GABRG3: variants seen among roughly 807,000 people sequenced by gnomAD.
GABRG3 encodes the protein gamma-aminobutyric acid receptor subunit gamma-3.
In GABRG3, 25 loss-of-function variants were observed where a neutral mutation model predicts 48.8. The ratio of observed to expected loss-of-function variants is 0.51; its 90% CI spans 0.37 to 0.72. The LOEUF (loss-of-function observed/expected upper bound fraction) is 0.72. Among genes scored for constraint, GABRG3 ranks in the 30% least tolerant of loss-of-function variants. The probability of loss-of-function intolerance (pLI) is 0.00; values close to 1 mark genes in which losing one functional copy is unlikely to be tolerated. For missense variants in GABRG3, 394 were observed against 577.9 expected (o/e 0.68, Z 3.26); for synonymous variants, 227 against 217.6 (o/e 1.04, Z -0.38).
chr15:27,237,808 G>A (rs1423054659), intron 3 of GABRG3, among the ~76,000 whole-genome samples: 1 of 152,194 alleles, frequency 6.6e-6, no homozygotes, highest in Admixed American at 6.5e-5. Flanking sequence ...ATTGGGACTT[G>A]GGATGCCACG....
chr15:26,997,441 T>C (rs1270801574), intron 2 of GABRG3, among the ~76,000 whole-genome samples: 2 of 152,170 alleles, frequency 1.3e-5, no homozygotes, highest in African/African-American at 4.8e-5. Flanking sequence ...TTTGAAAAAA[T>C]ATATAACAAC....
chr15:27,246,444 AATAG>A (rs1455871297), intron 3 of GABRG3, among the ~76,000 whole-genome samples: 1 of 152,186 alleles, frequency 6.6e-6, no homozygotes, highest in Non-Finnish European at 1.5e-5. Flanking sequence ...TGCAAAGATA[AATAG>A]ATAGGTCTAG....
At chr15:27,382,824 C>T (rs1469040323) in intron 5 of GABRG3, among the ~76,000 whole-genome samples, 1 of 151,750 alleles carries the variant, frequency 6.6e-6, no homozygotes. Context: ...ATGAGGACCA[C>T]CGTGGGAGGA....
chr15:27,514,010 T>A (rs562464854), intron 6 of GABRG3, among the ~76,000 whole-genome samples: 1 of 152,350 alleles, frequency 6.6e-6, no homozygotes, highest in African/African-American at 2.4e-5. Flanking sequence ...TTAACTGCTG[T>A]ACTTTCAGGC....
At chr15:27,247,000 T>C (rs1162522303) in intron 3 of GABRG3, among the ~76,000 whole-genome samples, 1 of 152,186 alleles carries the variant, frequency 6.6e-6, no homozygotes, top group East Asian at 1.9e-4. Flanking sequence ...GTTCCTCTCT[T>C]TCACCCAGGC....
At chr15:27,450,197 C>T (rs529596053) in intron 5 of GABRG3, among the ~76,000 whole-genome samples, 1 of 152,294 alleles carries the variant, frequency 6.6e-6, no homozygotes, top group South Asian at 2.1e-4. Context: ...GCAACTTCCT[C>T]TCCTGCCGTC....
intron 3 of GABRG3, among the ~76,000 whole-genome samples, chr15:27,313,402 C>T (rs1301270276): frequency 6.8e-6 from 1 of 147,648 alleles, no homozygotes; most frequent in East Asian, 2.0e-4. Context: ...GAGACTTCAG[C>T]ACCCCACTTT....
At chr15:27,504,995 A>G (rs1890728921) in intron 6 of GABRG3, among the ~76,000 whole-genome samples, 1 of 152,168 alleles carries the variant, frequency 6.6e-6, no homozygotes, top group Non-Finnish European at 1.5e-5. Context: ...CATAGCCACA[A>G]TACTCTTAGC....
intron 5 of GABRG3, among the ~76,000 whole-genome samples, chr15:27,360,992 A>C (rs767151268): frequency 1.2e-4 from 19 of 152,164 alleles, no homozygotes; most frequent in Non-Finnish European, 2.6e-4. Context: ...TAGTTTCCCC[A>C]ACTGAGAAAG....
intron 3 of GABRG3, among the ~76,000 whole-genome samples, chr15:27,074,847 A>T (rs922480478): frequency 6.6e-6 from 1 of 152,162 alleles, no homozygotes; most frequent in African/African-American, 2.4e-5. Flanking sequence ...AGTGAAGCTG[A>T]AAAGAAATGT....
chr15:27,077,095 C>T (rs1896922814), intron 3 of GABRG3, among the ~76,000 whole-genome samples: 1 of 152,178 alleles, frequency 6.6e-6, no homozygotes, highest in Non-Finnish European at 1.5e-5. Flanking sequence ...ACCTATCTGT[C>T]TTCCTCTGCA....
chr15:27,345,462 G>A (rs1181905894), intron 5 of GABRG3, among the ~76,000 whole-genome samples: 1 of 151,744 alleles, frequency 6.6e-6, no homozygotes, highest in Non-Finnish European at 1.5e-5. Context: ...ACAGAAACCT[G>A]GATAGAGAAT....
chr15:27,419,905 T>G (rs1888059112), intron 5 of GABRG3, among the ~76,000 whole-genome samples: 1 of 152,204 alleles, frequency 6.6e-6, no homozygotes, highest in Non-Finnish European at 1.5e-5. Context: ...AGAACAAAAC[T>G]TCTTTGATGT....
Position 27,532,901 on chromosome 15 carries a change from G to A in GABRG3, c.*20G>A, listed in dbSNP as rs769135809. 5.0e-6 allele frequency: 8 copies of A among 1,608,968 alleles called. No individual in the cohort carries two copies. Among genetic ancestry groups the A allele is most frequent in the Non-Finnish European group, 6.8e-6 (8 of 1,177,452 alleles). On this transcript the variant is annotated 3_prime_UTR_variant, in exon 10 of 10. Transcript: ENST00000615808. ...CTCTAAGTGTTGCTCAGAGTGAAGA[G>A]TGAAGAGCATTTGGTACACACTTGA...
chr15:27,324,258 A>C (rs1893529760), intron 3 of GABRG3, among the ~76,000 whole-genome samples: 1 of 152,128 alleles, frequency 6.6e-6, no homozygotes, highest in Non-Finnish European at 1.5e-5. Flanking sequence ...TCAAGTCTGG[A>C]TGTGGTTTTC....
At chr15:27,282,402 C>T (rs1040977532) in intron 3 of GABRG3, among the ~76,000 whole-genome samples, 2 of 152,186 alleles carry the variant, frequency 1.3e-5, no homozygotes, top group Non-Finnish European at 2.9e-5. Flanking sequence ...CTTATTTCCC[C>T]AGTATCTTTC....
chr15:27,462,062 G>A (rs1889467278), intron 5 of GABRG3, among the ~76,000 whole-genome samples: 1 of 152,106 alleles, frequency 6.6e-6, no homozygotes, highest in Non-Finnish European at 1.5e-5. Context: ...CCCTTGCTCA[G>A]TTGTCTTCCT....
Position 27,231,444 on chromosome 15 carries a change from G to T in GABRG3, c.271-95365G>T, listed in dbSNP as rs541871761. ...CTCCTCTGATAAAAGTGTTGTGAGC[G>T]GGGTAGGGAGAAGAGGAGCAGGAGG... On this transcript the variant is annotated intron_variant, in intron 3 of 9. Transcript: ENST00000615808. 1.4e-4 allele frequency among the ~76,000 whole-genome samples: 21 copies of T among 152,338 alleles called. No individual in the cohort carries two copies. The South Asian group carries it at 4.1e-3, about 30-fold the overall frequency.
At chr15:27,024,084 G>A (rs1895943831) in intron 2 of GABRG3, among the ~76,000 whole-genome samples, 1 of 152,074 alleles carries the variant, frequency 6.6e-6, no homozygotes. Context: ...ATGTTTTCAT[G>A]TGCTTATTGT....
Sources: allele counts gnomAD v4.1 joint callset (sites outside exome capture counted in the v4.1 genomes callset), GRCh38; gene constraint gnomAD v4.1.1; transcripts MANE v1.5; gene names NCBI Gene and HGNC (gene_info 2026-07-23, HGNC 2026-07-21).